Variants in AMD1 observed in about 807,000 individuals in gnomAD.
The protein encoded by AMD1 is S-adenosylmethionine decarboxylase proenzyme.
In AMD1, 11 loss-of-function variants were observed where a neutral mutation model predicts 40.2. The observed-to-expected ratio is 0.27, with a 90% CI of 0.17 to 0.45. The LOEUF (loss-of-function observed/expected upper bound fraction) is 0.45. Ranked by LOEUF, AMD1 falls within the 20% of genes least tolerant of loss-of-function variation. The pLI, the probability that AMD1 is intolerant of heterozygous loss-of-function variation, is 1.00. For missense variants in AMD1, 257 were observed against 410.2 expected (o/e 0.63, Z 3.23); for synonymous variants, 121 against 130.8 (o/e 0.93, Z 0.51).
At chr6:110,871,632 G>C (rs527854652), upstream of AMD1, among the ~76,000 whole-genome samples, 1 of 152,322 alleles carries the variant, frequency 6.6e-6, no homozygotes, top group East Asian at 1.9e-4. Flanking sequence ...GAGGTCAGTG[G>C]AAAGCTTGAG....
At chr6:110,866,440 C>T in the AMD1 span, among the ~76,000 whole-genome samples, 11 of 152,190 alleles carry the variant, frequency 7.2e-5, no homozygotes, top group Middle Eastern at 0.017. Flanking sequence ...AAGTACACAA[C>T]GAGCACAAGA....
At chr6:110,865,213 T>C in the AMD1 span, among the ~76,000 whole-genome samples, 1 of 152,236 alleles carries the variant, frequency 6.6e-6, no homozygotes, top group African/African-American at 2.4e-5. Flanking sequence ...TTCTTGCTTT[T>C]CTTAGGACAC....
chr6:110,826,799 C>G, the AMD1 span, among the ~76,000 whole-genome samples: 24 of 150,984 alleles, frequency 1.6e-4, no homozygotes, highest in East Asian at 2.9e-3. Context: ...TCAAGCAATT[C>G]TCCTGCCTCA....
chr6:110,869,942 G>T (rs1374107390), upstream of AMD1, among the ~76,000 whole-genome samples: 3 of 151,524 alleles, frequency 2.0e-5, no homozygotes, highest in South Asian at 2.1e-4. Context: ...GAGATGGGGG[G>T]TCTCGCTATG....
chr6:110,884,846 G>C (rs1785598952), intron 1 of AMD1, among the ~76,000 whole-genome samples: 1 of 152,220 alleles, frequency 6.6e-6, no homozygotes, highest in African/African-American at 2.4e-5. Flanking sequence ...GGATTTGTTA[G>C]TGCGTCCAGT....
chr6:110,861,097 T>C, the AMD1 span, among the ~76,000 whole-genome samples: 2 of 151,084 alleles, frequency 1.3e-5, no homozygotes, highest in East Asian at 2.0e-4. Flanking sequence ...GCTGGCTCAC[T>C]CCTGTAATCC....
the AMD1 span, among the ~76,000 whole-genome samples, chr6:110,829,369 CAA>C: frequency 4.5e-5 from 6 of 132,376 alleles, no homozygotes; most frequent in Non-Finnish European, 3.3e-5. Context: ...CTATCTCTAC[CAA>C]AAAAAAAAAA....
At chr6:110,863,939 A>G in the AMD1 span, 1 of 483,142 alleles carries the variant, frequency 2.1e-6, no homozygotes, top group African/African-American at 2.0e-5. Flanking sequence ...AAGGCCAAAA[A>G]CAAAGCAAAA....
chr6:110,814,999 C>G, the AMD1 span: 2 of 1,603,640 alleles, frequency 1.2e-6, no homozygotes, highest in Non-Finnish European at 1.7e-6. Flanking sequence ...CCTCCCGCCC[C>G]TGCTCTTACC....
the AMD1 span, among the ~76,000 whole-genome samples, chr6:110,861,097 T>G: frequency 9.3e-5 from 14 of 151,084 alleles, 1 homozygote; most frequent in South Asian, 1.7e-3. Flanking sequence ...GCTGGCTCAC[T>G]CCTGTAATCC....
At chr6:110,884,026 A>C (rs1305230769) in intron 1 of AMD1, among the ~76,000 whole-genome samples, 2 of 152,208 alleles carry the variant, frequency 1.3e-5, no homozygotes, top group Non-Finnish European at 2.9e-5. Flanking sequence ...CTCCTTAGCC[A>C]TTTTGCATGG....
chr6:110,892,884 T>C, intron 7 of AMD1, 26 bp from the exon 8 acceptor site: 1 of 1,613,266 alleles, frequency 6.2e-7, no homozygotes, highest in South Asian at 1.1e-5. Flanking sequence ...CTTTCCATTC[T>C]TAACACTGTG....
chr6:110,856,518 T>A, the AMD1 span: 4 of 152,070 alleles, frequency 2.6e-5, no homozygotes, highest in African/African-American at 7.2e-5. Context: ...TCATCCCATG[T>A]TAAGGGGGGG....
chr6:110,888,097 C>T (rs577319260), intron 2 of AMD1, among the ~76,000 whole-genome samples: 4 of 152,028 alleles, frequency 2.6e-5, no homozygotes, highest in South Asian at 2.1e-4. Context: ...AGGTGTTTGC[C>T]GTCTTTTCCT....
At chr6:110,856,614 C>T in the AMD1 span, 1 of 152,226 alleles carries the variant, frequency 6.6e-6, no homozygotes, top group African/African-American at 2.4e-5. Context: ...GCATAGCTGC[C>T]CCTGCCAAGG....
the AMD1 span, among the ~76,000 whole-genome samples, chr6:110,862,399 T>C: frequency 6.6e-6 from 1 of 151,384 alleles, no homozygotes; most frequent in African/African-American, 2.4e-5. Context: ...TGGTCTTTTA[T>C]CCTTGGAAGT....
chr6:110,867,758 G>A, the AMD1 span, among the ~76,000 whole-genome samples: 1 of 152,188 alleles, frequency 6.6e-6, no homozygotes, highest in Non-Finnish European at 1.5e-5. Context: ...AACATTCATA[G>A]AGGCTGTCTG....
the AMD1 span, among the ~76,000 whole-genome samples, chr6:110,818,075 T>A: frequency 6.6e-6 from 1 of 152,208 alleles, no homozygotes; most frequent in Non-Finnish European, 1.5e-5. Context: ...ACTAAACAGA[T>A]AAGCAGAGGT....
chr6:110,890,442 AT>A, intron 4 of AMD1, 86 bp downstream of exon 4: 1 of 958,822 alleles, frequency 1.0e-6, no homozygotes, highest in South Asian at 1.4e-5. Flanking sequence ...GAGCATACTT[AT>A]GCATATATAG....
Sources: gnomAD v4.1 joint callset for allele counts (sites outside exome capture counted in the v4.1 genomes callset) on GRCh38, gnomAD v4.1.1 for gene constraint, MANE v1.5 for transcripts, NCBI Gene and HGNC (gene_info 2026-07-23, HGNC 2026-07-21) for gene names.